DNAH5: variants seen among roughly 807,000 people sequenced by gnomAD.
DNAH5 encodes dynein axonemal heavy chain 5, also known as axonemal beta dynein heavy chain 5.
A neutral mutation model predicts 518.2 loss-of-function variants in DNAH5; 372 were observed. That is an observed-to-expected ratio of 0.72 (90% CI 0.66 to 0.78). The LOEUF is 0.78. Ranked by LOEUF, DNAH5 falls within the 30% of genes least tolerant of loss-of-function variation. The pLI is 0.00. For synonymous variants in DNAH5, 2,039 were observed against 2,025.9 expected, an observed-to-expected ratio of 1.01 and a Z score of -0.17; for missense variants, 5,523 against 5,687.0, an observed-to-expected ratio of 0.97 and a Z score of 0.93.
chr5:13,994,175 C>T (rs577770617), intron 1 of DNAH5, among the ~76,000 whole-genome samples: 2 of 152,280 alleles, frequency 1.3e-5, no homozygotes, highest in Admixed American at 6.5e-5. Context: ...AGCCACCCAC[C>T]GGCTGGCCCT....
At chr5:13,952,267 G>A (rs956648279) in intron 1 of DNAH5, among the ~76,000 whole-genome samples, 1 of 152,238 alleles carries the variant, frequency 6.6e-6, no homozygotes, top group Non-Finnish European at 1.5e-5. Flanking sequence ...GAACTAAAAT[G>A]AGATGCATTG....
chr5:13,783,596 G>A (rs1361414739), intron 52 of DNAH5, among the ~76,000 whole-genome samples: 1 of 152,070 alleles, frequency 6.6e-6, no homozygotes, highest in Admixed American at 6.6e-5. Flanking sequence ...CTGGTAAGCA[G>A]GAACTAGATC....
intron 52 of DNAH5, among the ~76,000 whole-genome samples, chr5:13,781,785 C>T (rs1322028600): frequency 2.6e-5 from 4 of 151,866 alleles, no homozygotes; most frequent in South Asian, 2.1e-4. Context: ...AGCATGAAAA[C>T]GAACTAATAC....
At chr5:13,797,513 CAT>C (rs1248113716) in intron 47 of DNAH5, among the ~76,000 whole-genome samples, 1 of 152,158 alleles carries the variant, frequency 6.6e-6, no homozygotes, top group Non-Finnish European at 1.5e-5. Context: ...GATACCATCT[CAT>C]GCCAATCAGA....
At chr5:13,739,700 C>T (rs1748141204) in intron 65 of DNAH5, among the ~76,000 whole-genome samples, 1 of 152,092 alleles carries the variant, frequency 6.6e-6, no homozygotes, top group African/African-American at 2.4e-5. Context: ...TTGTTATGAT[C>T]CGGTATGCAC....
intron 41 of DNAH5, among the ~76,000 whole-genome samples, chr5:13,818,005 A>C (rs997302589): frequency 1.3e-5 from 2 of 152,184 alleles, no homozygotes; most frequent in Non-Finnish European, 2.9e-5. Flanking sequence ...TGGCTCAAAA[A>C]AAATCTTTGG....
intron 14 of DNAH5, 87 bp downstream of exon 14, chr5:13,901,165 G>T: frequency 6.9e-7 from 1 of 1,439,870 alleles, no homozygotes; most frequent in Non-Finnish European, 9.6e-7. Context: ...TACAAATCCA[G>T]CTTTCTAAAG....
chr5:13,829,544 A>G lies in DNAH5; in HGVS notation c.6410T>C (p.Leu2137Pro), dbSNP rs1172835129. The G allele has an allele frequency of 4.3e-6, 7 of 1,614,062 alleles. No individual in the cohort carries two copies. The highest frequency in any genetic ancestry group is 1.3e-5 in the African/African-American group (1 of 74,916). ...AAGCTGCTCCTCACACAGTTTGTAG[A>G]GCGTGAAAAACTTCCTGGCCAAAAC... is the stretch of plus-strand genomic sequence containing the variant. ...NVVLARKFFT[L>P]YKLCEEQLSK... Residue 2137 changes from leucine to proline, a missense_variant, in exon 38 of 79, where the codon CTC becomes CCC. Physicochemically the swap from Leu to Pro is moderately conservative, Grantham distance 98. Coordinates refer to ENST00000265104, the MANE Select transcript of DNAH5 (RefSeq NM_001369.3).
chr5:13,961,693 G>A (rs550111239), intron 1 of DNAH5, among the ~76,000 whole-genome samples: 7 of 152,174 alleles, frequency 4.6e-5, no homozygotes, highest in South Asian at 4.1e-4. Context: ...AAAGTGACTC[G>A]TCCAAAGCCC....
chr5:13,691,939 G>A lies in DNAH5; in HGVS notation c.*45C>T, dbSNP rs1349925242. 8 of 1,612,166 alleles carry A rather than the reference G, an allele frequency of 5.0e-6. No individual in the cohort carries two copies. The Admixed American group carries it at 5.0e-5, about 10-fold the overall frequency. On this transcript the variant is annotated 3_prime_UTR_variant, in exon 79 of 79. Transcript: ENST00000265104. Reference sequence around the variant, plus strand: ...CAGAAATAAAGGTTACAATAATTTAGATCTTGCATTTTCCAAAGCATTGGG... The same window carrying A: ...CAGAAATAAAGGTTACAATAATTTAAATCTTGCATTTTCCAAAGCATTGGG...
chr5:13,852,166 T>G (rs1766965806), intron 30 of DNAH5, among the ~76,000 whole-genome samples: 1 of 152,066 alleles, frequency 6.6e-6, no homozygotes, highest in Non-Finnish European at 1.5e-5. Flanking sequence ...AGCTGCAGTT[T>G]TTTTTGTTTT....
chr5:13,976,689 G>GTATA (rs1216182959), intron 1 of DNAH5, among the ~76,000 whole-genome samples: 169 of 137,996 alleles, frequency 1.2e-3, no homozygotes, highest in South Asian at 2.8e-3. Context: ...GTGTGTGTGT[G>GTATA]TATATATATA....
chr5:13,743,076 G>T (rs1009992841), intron 65 of DNAH5, among the ~76,000 whole-genome samples: 3 of 151,896 alleles, frequency 2.0e-5, no homozygotes, highest in African/African-American at 7.2e-5. Context: ...ATAAGAAGAA[G>T]GTAAGACTTT....
intron 50 of DNAH5, 52 bp downstream of exon 50, chr5:13,791,942 A>G: frequency 7.1e-7 from 1 of 1,409,408 alleles, no homozygotes; most frequent in South Asian, 1.2e-5. Flanking sequence ...AATATTTAGA[A>G]TATATCATTA....
chr5:13,850,776 T>G lies in DNAH5; in HGVS notation c.4990A>C (p.Lys1664Gln), dbSNP rs1561429460. The G allele has an allele frequency of 6.2e-7, 1 of 1,614,176 alleles. No individual in the cohort carries two copies. The highest frequency in any genetic ancestry group is 8.5e-7 in the Non-Finnish European group (1 of 1,180,020). ...ACTTCATGTGCCCGAGTCATGATCT[T>G]CACCCAAGATTTATCTATGTTAGAA... Reference protein sequence around the residue: ...RFSNIDKSWVKIMTRAHEVPS... With the variant: ...RFSNIDKSWVQIMTRAHEVPS... The change falls in exon 31 of 79, where the codon AAG becomes CAG. Residue 1664 changes from lysine (K) to glutamine (Q), a missense_variant. By Grantham distance (53) the Lys-to-Gln change is moderately conservative. Around this residue, in one of 3 missense-constraint regions of DNAH5, gnomAD observed 5,121 missense variants for 5,223.3 expected, o/e 0.98. Coordinates refer to ENST00000265104, the MANE Select transcript of DNAH5 (RefSeq NM_001369.3).
At chr5:13,832,650 G>A (rs532824620) in intron 35 of DNAH5, among the ~76,000 whole-genome samples, 30 of 152,192 alleles carry the variant, frequency 2.0e-4, no homozygotes, top group Non-Finnish European at 2.9e-4. Context: ...AACTCTCTGC[G>A]GTCAGGAGCT....
chr5:13,783,003 A>T (rs1391057229), intron 52 of DNAH5, among the ~76,000 whole-genome samples: 2 of 152,196 alleles, frequency 1.3e-5, no homozygotes, highest in African/African-American at 4.8e-5. Context: ...GTCATGAGCC[A>T]TGGTGAGCAC....
In DNAH5 at chr5:13,961,175, T is replaced by C. The variant is rs139584716; in HGVS notation, c.13-29931A>G. Among the ~76,000 whole-genome samples the C allele has an allele frequency of 1.0e-3, 153 of 152,312 alleles. 1 individual carries two copies. The highest frequency in any genetic ancestry group is 2.0e-3 in the Non-Finnish European group (138 of 68,028). Reference sequence around the variant, plus strand: ...GACCACTTTCCAGTTCTTTTCTGTATATATTTAATAATATAAAAATCATCT... The same window carrying C: ...GACCACTTTCCAGTTCTTTTCTGTACATATTTAATAATATAAAAATCATCT... On this transcript the variant is annotated intron_variant, in intron 1 of 78. Transcript: ENST00000681290.
At chr5:13,996,804 C>T (rs914536199) in intron 1 of DNAH5, among the ~76,000 whole-genome samples, 1 of 152,248 alleles carries the variant, frequency 6.6e-6, no homozygotes, top group African/African-American at 2.4e-5. Flanking sequence ...GGGTTGCACA[C>T]TGATGGCTCT....
Sources: allele counts gnomAD v4.1 joint callset (sites outside exome capture counted in the v4.1 genomes callset), GRCh38; gene constraint gnomAD v4.1.1; regional missense constraint gnomAD v4.1.1; transcripts MANE v1.5; gene names NCBI Gene and HGNC (gene_info 2026-07-23, HGNC 2026-07-21).